Variants in CSMD1 observed in about 807,000 individuals in gnomAD.
The protein encoded by CSMD1 is CUB and Sushi multiple domains 1, also known as CUB and sushi domain-containing protein 1.
A neutral mutation model predicts 417.5 loss-of-function variants in CSMD1; 213 were observed. The observed-to-expected ratio is 0.51, with a 90% confidence interval of 0.46 to 0.57. The LOEUF (loss-of-function observed/expected upper bound fraction) is 0.57, where lower values mean the gene tolerates loss of function less well. CSMD1 is among the 20% of genes least tolerant of loss of function. CSMD1 has a pLI of 0.00. For synonymous variants in CSMD1, 2,862 were observed against 1,736.8 expected, an observed-to-expected ratio of 1.65 and a Z score of -16.11; for missense variants, 6,923 against 4,529.7, an observed-to-expected ratio of 1.53 and a Z score of -15.17.
At chr8:3,639,809 G>C (rs73661605) in intron 7 of CSMD1, among the ~76,000 whole-genome samples, 1 of 152,030 alleles carries the variant, frequency 6.6e-6, no homozygotes, top group African/African-American at 2.4e-5. Flanking sequence ...TTTGGTTCAG[G>C]GCAATGGACC....
chr8:3,101,458 T>C (rs985447439), intron 46 of CSMD1, among the ~76,000 whole-genome samples: 4 of 152,224 alleles, frequency 2.6e-5, no homozygotes, highest in Admixed American at 2.6e-4. Context: ...AGTCTCGCTC[T>C]GACGCCCAGG....
chr8:4,819,816 G>A (rs1035445089), intron 1 of CSMD1, among the ~76,000 whole-genome samples: 7 of 152,032 alleles, frequency 4.6e-5, no homozygotes, highest in Admixed American at 2.0e-4. Flanking sequence ...TGGGTGTGGA[G>A]GTTCCATTCC....
intron 1 of CSMD1, among the ~76,000 whole-genome samples, chr8:4,765,878 C>G (rs1223343476): frequency 6.6e-6 from 1 of 152,156 alleles, no homozygotes; most frequent in Non-Finnish European, 1.5e-5. Context: ...AGAAGCTAAT[C>G]TGTTGATTTA....
intron 1 of CSMD1, among the ~76,000 whole-genome samples, chr8:4,885,998 T>C (rs1435584713): frequency 1.9e-5 from 1 of 52,270 alleles, no homozygotes; most frequent in Admixed American, 2.1e-4. Flanking sequence ...TACTTATTTA[T>C]TTACTTATTT....
chr8:3,768,440 T>C lies in CSMD1; in HGVS notation c.819-14398A>G, dbSNP rs1048025119. ...TATAAATGTTTTAAATTGATTACTG[T>C]AACCAGAAAATATATTTCCAACATA... is the stretch of plus-strand genomic sequence containing the variant. On this transcript the variant is annotated intron_variant, in intron 5 of 69. Transcript: ENST00000635120. 3.9e-5 allele frequency among the ~76,000 whole-genome samples: 6 copies of C among 152,196 alleles called. No homozygotes were observed. In the East Asian group the frequency reaches 9.6e-4, roughly 24 times the overall value.
intron 2 of CSMD1, among the ~76,000 whole-genome samples, chr8:4,459,136 C>G (rs927589218): frequency 3.3e-5 from 5 of 152,222 alleles, no homozygotes; most frequent in African/African-American, 4.8e-5. Context: ...ACCATCCTTT[C>G]TCATCCTCAC....
At chr8:3,561,534 T>C (rs368226208) in intron 10 of CSMD1, among the ~76,000 whole-genome samples, 81 of 152,262 alleles carry the variant, frequency 5.3e-4, no homozygotes, top group African/African-American at 1.9e-3. Context: ...GAAAGTCAAA[T>C]ACCACATGTT....
intron 1 of CSMD1, among the ~76,000 whole-genome samples, chr8:4,663,121 C>T (rs1563092638): frequency 6.6e-6 from 1 of 152,074 alleles, no homozygotes; most frequent in Non-Finnish European, 1.5e-5. Flanking sequence ...GGGCTTAGGA[C>T]GCCACGGAGA....
At chr8:3,241,512 G>C (rs1454718539) in intron 26 of CSMD1, among the ~76,000 whole-genome samples, 1 of 152,148 alleles carries the variant, frequency 6.6e-6, no homozygotes, top group Non-Finnish European at 1.5e-5. Context: ...CTGGGAAGGA[G>C]TGAGTCAGAG....
chr8:3,313,123 A>G (rs543745405), intron 23 of CSMD1, among the ~76,000 whole-genome samples: 1 of 152,334 alleles, frequency 6.6e-6, no homozygotes, highest in South Asian at 2.1e-4. Flanking sequence ...GAAATCTCAG[A>G]TGGATTAAAG....
chr8:4,404,303 A>G (rs1563138254), intron 3 of CSMD1, among the ~76,000 whole-genome samples: 2 of 152,076 alleles, frequency 1.3e-5, no homozygotes, highest in African/African-American at 2.4e-5. Context: ...TATTTCAATC[A>G]TGTATTTGTT....
intron 2 of CSMD1, among the ~76,000 whole-genome samples, chr8:4,573,335 T>A (rs1798977711): frequency 2.6e-5 from 4 of 152,212 alleles, no homozygotes; most frequent in African/African-American, 9.6e-5. Flanking sequence ...ATGTTGACGC[T>A]ATTCCTCTCT....
intron 2 of CSMD1, among the ~76,000 whole-genome samples, chr8:4,594,803 T>C (rs982653236): frequency 6.6e-6 from 1 of 152,214 alleles, no homozygotes; most frequent in Non-Finnish European, 1.5e-5. Context: ...ATCATATTTC[T>C]GATGTTACCC....
chr8:4,385,405 T>G (rs1803381684), intron 3 of CSMD1, among the ~76,000 whole-genome samples: 1 of 152,218 alleles, frequency 6.6e-6, no homozygotes, highest in Non-Finnish European at 1.5e-5. Flanking sequence ...GGCAAATGCA[T>G]GCACTTGCTA....
rs572498641 is a variant in CSMD1 at position 3,059,436 on chromosome 8, C to T, written c.7475-6789G>A. Reference sequence around the variant, plus strand: ...GGACAGCCTCTCAGTTAACAGTTTTCGAGAAATGATTGTCATGTGGGCTGT... The same window carrying T: ...GGACAGCCTCTCAGTTAACAGTTTTTGAGAAATGATTGTCATGTGGGCTGT... On this transcript the variant is annotated intron_variant, in intron 49 of 69. Transcript: ENST00000635120. Among the ~76,000 whole-genome samples the T allele has an allele frequency of 9.9e-5, 15 of 152,180 alleles. No individual in the cohort carries two copies. The East Asian group carries it at 1.7e-3, about 18-fold the overall frequency.
intron 3 of CSMD1, among the ~76,000 whole-genome samples, chr8:4,095,294 T>C (rs963349605): frequency 6.6e-6 from 1 of 152,194 alleles, no homozygotes; most frequent in South Asian, 2.1e-4. Context: ...ACCTTTAATA[T>C]CAATTCTGTT....
chr8:3,525,976 A>G (rs1395300317), intron 10 of CSMD1, among the ~76,000 whole-genome samples: 2 of 152,168 alleles, frequency 1.3e-5, no homozygotes, highest in Non-Finnish European at 2.9e-5. Flanking sequence ...CTCTGGTAAA[A>G]TCAGCACCTC....
At chr8:3,898,492 C>G (rs776752117) in intron 5 of CSMD1, among the ~76,000 whole-genome samples, 2 of 152,148 alleles carry the variant, frequency 1.3e-5, no homozygotes, top group Non-Finnish European at 2.9e-5. Context: ...TGTACAAAAC[C>G]TACTGTTCCA....
At chr8:3,332,083 C>A (rs149252041) in intron 23 of CSMD1, among the ~76,000 whole-genome samples, 1,816 of 152,224 alleles carry the variant, frequency 0.012, 41 homozygotes, top group African/African-American at 0.041. Flanking sequence ...AATTAATTGA[C>A]AGACACATGA....
Sources: gnomAD v4.1 joint callset for allele counts (sites outside exome capture counted in the v4.1 genomes callset) on GRCh38, gnomAD v4.1.1 for gene constraint, MANE v1.5 for transcripts, NCBI Gene and HGNC (gene_info 2026-07-23, HGNC 2026-07-21) for gene names.